SEL1L3: variants seen among roughly 807,000 people sequenced by gnomAD.
The protein encoded by SEL1L3 is protein sel-1 homolog 3.
In SEL1L3, 76 loss-of-function variants were observed where a neutral mutation model predicts 142.8. The ratio of observed to expected loss-of-function variants is 0.53; its 90% CI spans 0.44 to 0.64. The LOEUF (loss-of-function observed/expected upper bound fraction) is 0.64. SEL1L3 is among the 30% of genes least tolerant of loss of function. The pLI is 0.00. For synonymous variants in SEL1L3, 504 were observed against 519.6 expected (o/e 0.97, Z 0.41); for missense variants, 1,262 against 1,381.7 (o/e 0.91, Z 1.37).
the SEL1L3 span, chr4:25,720,002 A>AATAT: frequency 6.6e-6 from 1 of 152,198 alleles, no homozygotes; most frequent in Admixed American, 6.5e-5. Flanking sequence ...GGTGTATGCT[A>AATAT]ATATAATATT....
chr4:25,846,379 G>A (rs1481070407), intron 2 of SEL1L3, among the ~76,000 whole-genome samples: 1 of 152,202 alleles, frequency 6.6e-6, no homozygotes, highest in Admixed American at 6.5e-5. Flanking sequence ...CTGATGATGT[G>A]CTGAGCAATC....
intron 20 of SEL1L3, among the ~76,000 whole-genome samples, chr4:25,761,869 G>C (rs1718399288): frequency 6.6e-6 from 1 of 152,182 alleles, no homozygotes; most frequent in Admixed American, 6.5e-5. Flanking sequence ...ACACTGATCG[G>C]TGAGGTATTA....
chr4:25,718,452 T>C, the SEL1L3 span: 3 of 152,162 alleles, frequency 2.0e-5, no homozygotes, highest in Non-Finnish European at 4.4e-5. Context: ...GCTCATAGTT[T>C]GAATTTGCTA....
At chr4:25,750,497 A>T (rs947550005) in intron 23 of SEL1L3, among the ~76,000 whole-genome samples, 3 of 152,166 alleles carry the variant, frequency 2.0e-5, no homozygotes, top group African/African-American at 7.2e-5. Context: ...TGTTTGCACA[A>T]AGGAGGTATA....
chr4:25,774,535 T>A (rs2109153834), intron 17 of SEL1L3, among the ~76,000 whole-genome samples: 1 of 152,338 alleles, frequency 6.6e-6, no homozygotes, highest in South Asian at 2.1e-4. Context: ...CAGCAGCTTT[T>A]ACAATATGCT....
chr4:25,798,705 G>A (rs1381867703), intron 11 of SEL1L3, among the ~76,000 whole-genome samples: 1 of 152,212 alleles, frequency 6.6e-6, no homozygotes, highest in African/African-American at 2.4e-5. Flanking sequence ...GCACATGCCT[G>A]TAGTCCCAGC....
At chr4:25,814,472 T>G (rs909153060) in intron 9 of SEL1L3, among the ~76,000 whole-genome samples, 2 of 152,242 alleles carry the variant, frequency 1.3e-5, no homozygotes, top group African/African-American at 4.8e-5. Flanking sequence ...TCCATTCTTA[T>G]AGCTTATCTC....
In SEL1L3 at chr4:25,804,898, G is replaced by C. The variant is rs1195950994; in HGVS notation, c.1565-146C>G. ...CTCAAAATATACCACCTTCCAGGGA[G>C]GTAAATGAAACCCTTTGGGGATGCC... On this transcript the variant is annotated intron_variant, in intron 9 of 23. Coordinates refer to ENST00000399878, the MANE Select transcript of SEL1L3 (RefSeq NM_015187.5). 5 of 649,098 alleles carry C rather than the reference G, an allele frequency of 7.7e-6. No individual in the cohort carries two copies. The East Asian group carries it at 1.4e-4, about 18-fold the overall frequency. 40.2% of individuals were successfully genotyped at this position (649,098 alleles called of 1,614,324 possible). A position where few individuals can be genotyped will look rare whatever the true frequency, so the allele number is the denominator to read the frequency against.
chr4:25,844,978 A>C (rs1334205486), intron 2 of SEL1L3, among the ~76,000 whole-genome samples: 1 of 152,230 alleles, frequency 6.6e-6, no homozygotes, highest in Non-Finnish European at 1.5e-5. Flanking sequence ...CACTGCACAA[A>C]TGCAGAATAA....
At chr4:25,793,000 T>C (rs139330962) in intron 11 of SEL1L3, among the ~76,000 whole-genome samples, 9 of 152,250 alleles carry the variant, frequency 5.9e-5, no homozygotes, top group African/African-American at 2.2e-4. Context: ...AGAACCATCA[T>C]GGATGATGTG....
intron 23 of SEL1L3, chr4:25,756,674 T>G: frequency 9.2e-7 from 1 of 1,084,892 alleles, no homozygotes; most frequent in Non-Finnish European, 1.1e-6. Flanking sequence ...TCCTTAACTA[T>G]TCTATACTGG....
In SEL1L3 at chr4:25,747,621, C is replaced by T. The variant is rs1202266217; in HGVS notation, c.*804G>A. On this transcript the variant is annotated 3_prime_UTR_variant, in exon 24 of 24. Coordinates refer to ENST00000399878, the MANE Select transcript of SEL1L3 (RefSeq NM_015187.5). Reference sequence around the variant, plus strand: ...ACACACACATATCCCTGTACAGACTCACGCAGGCATGAGGGGTAGGGATGA... The same window carrying T: ...ACACACACATATCCCTGTACAGACTTACGCAGGCATGAGGGGTAGGGATGA... 2 of 151,720 alleles carry T rather than the reference C, an allele frequency of 1.3e-5. No homozygotes were observed. Among genetic ancestry groups the T allele is most frequent in the Non-Finnish European group, 2.9e-5 (2 of 67,986 alleles). The allele number at this position is 151,720 out of a possible 1,614,324, so 9.4% of individuals were successfully genotyped here. A position where few individuals can be genotyped will look rare whatever the true frequency, so the allele number is the denominator to read the frequency against.
intron 20 of SEL1L3, chr4:25,759,287 C>T: frequency 6.0e-6 from 3 of 501,986 alleles, no homozygotes; most frequent in Non-Finnish European, 1.1e-5. Flanking sequence ...GCTGCTGTGT[C>T]CCATCTGCTC....
At chr4:25,727,135 C>G in the SEL1L3 span, among the ~76,000 whole-genome samples, 1 of 151,890 alleles carries the variant, frequency 6.6e-6, no homozygotes, top group Non-Finnish European at 1.5e-5. Flanking sequence ...TCACTGCAAC[C>G]TCCGCCTCCC....
intron 11 of SEL1L3, among the ~76,000 whole-genome samples, chr4:25,799,208 G>A (rs1713005138): frequency 6.6e-6 from 1 of 152,108 alleles, no homozygotes; most frequent in Non-Finnish European, 1.5e-5. Flanking sequence ...CCAAGTAGCT[G>A]GGATGACAGA....
chr4:25,833,012 A>T lies in SEL1L3; in HGVS notation c.1081T>A (p.Ser361Thr). Residue 361 changes from serine to threonine, a missense_variant, in exon 5 of 24, where the codon TCT (serine) becomes ACT (threonine). Coordinates refer to ENST00000399878, the MANE Select transcript of SEL1L3 (RefSeq NM_015187.5). ...PLKEWFRLDI[S>T]FNGGQIVVTT... Reference sequence around the variant, plus strand: ...ACAGATACCTGGCCTCCGTTAAAAGAGATATCCAGTCGAAACCACTCCTTC... The same window carrying T: ...ACAGATACCTGGCCTCCGTTAAAAGTGATATCCAGTCGAAACCACTCCTTC... The T allele has an allele frequency of 1.9e-6, 3 of 1,601,360 alleles. No homozygotes were observed. The highest frequency in any genetic ancestry group is 2.6e-6 in the Non-Finnish European group (3 of 1,168,524).
At chr4:25,782,910 C>A (rs1471430928) in intron 14 of SEL1L3, among the ~76,000 whole-genome samples, 1 of 152,148 alleles carries the variant, frequency 6.6e-6, no homozygotes, top group Non-Finnish European at 1.5e-5. Context: ...AGCACAGGTG[C>A]TCTCTCTTTG....
chr4:25,858,378 C>T (rs534407243), intron 1 of SEL1L3, among the ~76,000 whole-genome samples: 3 of 152,136 alleles, frequency 2.0e-5, no homozygotes, highest in Non-Finnish European at 4.4e-5. Context: ...CTCTTTACCT[C>T]GTTTTGATCT....
intron 1 of SEL1L3, among the ~76,000 whole-genome samples, chr4:25,850,077 A>G (rs1716784649): frequency 6.6e-6 from 1 of 152,178 alleles, no homozygotes; most frequent in Non-Finnish European, 1.5e-5. Context: ...AGGCAGGGGA[A>G]TGCAGGTGTA....
Sources: gnomAD v4.1 joint callset for allele counts (sites outside exome capture counted in the v4.1 genomes callset) on GRCh38, gnomAD v4.1.1 for gene constraint, MANE v1.5 for transcripts, NCBI Gene and HGNC (gene_info 2026-07-23, HGNC 2026-07-21) for gene names.